MAP2K5: variants seen among roughly 807,000 people sequenced by gnomAD.
MAP2K5 encodes the protein mitogen-activated protein kinase kinase 5, also known as dual specificity mitogen-activated protein kinase kinase 5.
In MAP2K5, 49 loss-of-function variants were observed where a neutral mutation model predicts 83.1. The observed-to-expected ratio is 0.59, with a 90% CI of 0.47 to 0.75. The LOEUF (loss-of-function observed/expected upper bound fraction) is 0.75. Among genes scored for constraint, MAP2K5 ranks in the 30% least tolerant of loss-of-function variants. MAP2K5 has a pLI of 0.00. For synonymous variants in MAP2K5, 202 were observed against 191.8 expected (o/e 1.05, Z -0.44); for missense variants, 457 against 557.5 (o/e 0.82, Z 1.82).
chr15:67,700,559 A>G (rs950007536), intron 15 of MAP2K5, among the ~76,000 whole-genome samples: 3 of 152,166 alleles, frequency 2.0e-5, no homozygotes, highest in Non-Finnish European at 2.9e-5. Flanking sequence ...GGGAGAGGAC[A>G]GGGCAGGCCA....
At position 67,719,254 on chromosome 15, in the gene MAP2K5, T is replaced by C. The variant is rs567902296; in HGVS notation, c.1045-8662T>C. 2.6e-5 allele frequency among the ~76,000 whole-genome samples: 4 copies of C among 152,290 alleles called. No individual in the cohort carries two copies. The East Asian group carries it at 5.8e-4, about 22-fold the overall frequency. ...TAAGCAGTGATACGTAAGAGGGCCTTGTCGGTTAAGACCATCAGATCCTAA... is the reference window on the plus strand; with the variant it reads ...TAAGCAGTGATACGTAAGAGGGCCTCGTCGGTTAAGACCATCAGATCCTAA... On this transcript the variant is annotated intron_variant, in intron 16 of 21. Transcript: ENST00000178640. This position sits in a 1 kb window ranked among gnomAD's most constrained non-coding sequence, Gnocchi z 4.6.
chr15:67,664,689 T>C, intron 13 of MAP2K5, 44 bp downstream of exon 13: 2 of 1,326,988 alleles, frequency 1.5e-6, no homozygotes, highest in Non-Finnish European at 2.2e-6. Flanking sequence ...TGGGGTGGGG[T>C]TGGGTCTCTC....
intron 17 of MAP2K5, among the ~76,000 whole-genome samples, chr15:67,744,002 G>T (rs1163837720): frequency 6.6e-6 from 1 of 152,180 alleles, no homozygotes; most frequent in East Asian, 1.9e-4. Context: ...AGCCGTCAGG[G>T]TCAGGCCAGG....
chr15:67,661,463 C>T (rs370628330), intron 12 of MAP2K5, among the ~76,000 whole-genome samples: 1 of 152,058 alleles, frequency 6.6e-6, no homozygotes, highest in Non-Finnish European at 1.5e-5. Context: ...GTCAAGTCAT[C>T]GTTGTGAAAC....
At chr15:67,705,804 T>C (rs1161541427) in intron 16 of MAP2K5, among the ~76,000 whole-genome samples, 1 of 151,762 alleles carries the variant, frequency 6.6e-6, no homozygotes, top group Non-Finnish European at 1.5e-5. Context: ...AGCAGATACT[T>C]GAATGCTGTG....
rs1391753780 is a variant in MAP2K5, at chr15:67,552,648, G to A, written c.184+2566G>A. On this transcript the variant is annotated intron_variant, in intron 2 of 21. Transcript: ENST00000178640. This position sits in a 1 kb window ranked among gnomAD's most constrained non-coding sequence, Gnocchi z 4.2. Reference sequence around the variant, plus strand: ...AACGGGGTCTTGCTGTGTTGCTCAGGCTGGTCTTGAACTCCTGGCCTCAAG... The same window carrying A: ...AACGGGGTCTTGCTGTGTTGCTCAGACTGGTCTTGAACTCCTGGCCTCAAG... Among the ~76,000 whole-genome samples the A allele has an allele frequency of 5.9e-5, 9 of 152,050 alleles. No individual in the cohort carries two copies. Among genetic ancestry groups the A allele is most frequent in the Admixed American group, 5.2e-4 (8 of 15,268 alleles).
intron 17 of MAP2K5, among the ~76,000 whole-genome samples, chr15:67,735,151 T>C (rs2089310218): frequency 6.6e-6 from 1 of 152,232 alleles, no homozygotes; most frequent in African/African-American, 2.4e-5. Flanking sequence ...TCTCCATATC[T>C]ATTGTGTACT....
intron 19 of MAP2K5, among the ~76,000 whole-genome samples, chr15:67,762,029 A>G (rs2089958994): frequency 6.6e-6 from 1 of 152,208 alleles, no homozygotes; most frequent in South Asian, 2.1e-4. Context: ...TTGCTGAATA[A>G]TTACCTTTAG....
intron 11 of MAP2K5, among the ~76,000 whole-genome samples, chr15:67,654,218 T>C (rs1215977497): frequency 6.6e-6 from 1 of 152,182 alleles, no homozygotes; most frequent in African/African-American, 2.4e-5. Flanking sequence ...CGTTGTTAGG[T>C]CCATGCATGT....
chr15:67,770,468 G>T lies in MAP2K5; in HGVS notation c.1196+805G>T, dbSNP rs1340369134. ...ACAGAGAATTACCTAGGAGAGAGGAGGAATTCAGGAACATAGGAATCATTG... is the reference window on the plus strand; with the variant it reads ...ACAGAGAATTACCTAGGAGAGAGGATGAATTCAGGAACATAGGAATCATTG... On this transcript the variant is annotated intron_variant, in intron 20 of 21. Coordinates refer to ENST00000178640, the MANE Select transcript of MAP2K5 (RefSeq NM_145160.3). This position sits in a 1 kb window ranked among gnomAD's most constrained non-coding sequence, Gnocchi z 5.0. Among the ~76,000 whole-genome samples, 1 of 152,162 alleles carries T rather than the reference G, an allele frequency of 6.6e-6. No individual in the cohort carries two copies. Among genetic ancestry groups the T allele is most frequent in the Non-Finnish European group, 1.5e-5 (1 of 68,036 alleles).
intron 21 of MAP2K5, among the ~76,000 whole-genome samples, chr15:67,776,873 T>C (rs541388615): frequency 1.3e-5 from 2 of 152,184 alleles, no homozygotes; most frequent in Non-Finnish European, 2.9e-5. Context: ...CCCCATCCCC[T>C]CTCCACTTCA....
chr15:67,733,210 T>C (rs2089262501), intron 17 of MAP2K5, among the ~76,000 whole-genome samples: 1 of 152,226 alleles, frequency 6.6e-6, no homozygotes, highest in Non-Finnish European at 1.5e-5. Context: ...ACATCAGACT[T>C]GATCTGATGT....
At chr15:67,646,502 G>A in intron 11 of MAP2K5, 33 bp downstream of exon 11, 1 of 1,287,166 alleles carries the variant, frequency 7.8e-7, no homozygotes, top group Non-Finnish European at 1.1e-6. Context: ...CTTTTAAAAT[G>A]ATTTTTAGAG....
In MAP2K5 at chr15:67,794,261, CAG is replaced by C. The variant is rs2090567141; in HGVS notation, c.1243-12383_1243-12382del. Among the ~76,000 whole-genome samples the C allele has an allele frequency of 1.3e-5, 2 of 152,148 alleles. No homozygotes were observed. Among genetic ancestry groups the C allele is most frequent in the Non-Finnish European group, 2.9e-5 (2 of 68,030 alleles). ...CTTGGAAACCACAGTAAATCAATAA[CAG>C]AATAGTTAAATACCACAGGTTCTTT... On this transcript the variant is annotated intron_variant, in intron 21 of 21. Transcript: ENST00000178640. The surrounding 1 kb of genome is among the most constrained non-coding windows in gnomAD (Gnocchi z 4.6).
chr15:67,588,726 T>C (rs2085335683), intron 6 of MAP2K5, among the ~76,000 whole-genome samples: 2 of 152,260 alleles, frequency 1.3e-5, no homozygotes, highest in African/African-American at 4.8e-5. Context: ...AGTCCCCTCA[T>C]CCTTTTCTCT....
Position 67,636,590 on chromosome 15 carries a change from T to C in MAP2K5, c.585+5663T>C, listed in dbSNP as rs1257383566. On this transcript the variant is annotated intron_variant, in intron 9 of 21. Transcript: ENST00000178640. This position sits in a 1 kb window ranked among gnomAD's most constrained non-coding sequence, Gnocchi z 4.7. ...TTTTTTTAAGTGAAAAGCAAGTTTA[T>C]TAAGAAAGTAAAGGAATAAGAGAAT... Among the ~76,000 whole-genome samples, 1 of 152,112 alleles carries C rather than the reference T, an allele frequency of 6.6e-6. No individual in the cohort carries two copies. The highest frequency in any genetic ancestry group is 2.4e-5 in the African/African-American group (1 of 41,416).
At chr15:67,703,977 G>A (rs1485413697) in intron 16 of MAP2K5, among the ~76,000 whole-genome samples, 1 of 152,160 alleles carries the variant, frequency 6.6e-6, no homozygotes, top group East Asian at 1.9e-4. Context: ...GAGAGGGAAG[G>A]GGGAAGAGGA....
intron 15 of MAP2K5, among the ~76,000 whole-genome samples, chr15:67,700,628 G>A (rs1206945386): frequency 2.0e-5 from 3 of 152,086 alleles, no homozygotes; most frequent in Admixed American, 2.0e-4. Context: ...ATCAAATCCT[G>A]GCTCCATAAA....
In MAP2K5 at chr15:67,794,532, C is replaced by T. The variant is rs2090571490; in HGVS notation, c.1243-12114C>T. On this transcript the variant is annotated intron_variant, in intron 21 of 21. Coordinates refer to ENST00000178640, the MANE Select transcript of MAP2K5 (RefSeq NM_145160.3). This position sits in a 1 kb window ranked among gnomAD's most constrained non-coding sequence, Gnocchi z 4.6. ...ACTAGACTAGGTCTGATGACTTTGACCTTTGTTACGCTCTTCTTCCAAATT... is the reference window on the plus strand; with the variant it reads ...ACTAGACTAGGTCTGATGACTTTGATCTTTGTTACGCTCTTCTTCCAAATT... Among the ~76,000 whole-genome samples, 2 of 151,766 alleles carry T rather than the reference C, an allele frequency of 1.3e-5. No individual in the cohort carries two copies. Among genetic ancestry groups the T allele is most frequent in the Non-Finnish European group, 2.9e-5 (2 of 67,988 alleles).
Sources: gnomAD v4.1 joint callset for allele counts (sites outside exome capture counted in the v4.1 genomes callset) on GRCh38, gnomAD v4.1.1 for gene constraint, Gnocchi (gnomAD v3.1) non-coding constraint, MANE v1.5 for transcripts, NCBI Gene and HGNC (gene_info 2026-07-23, HGNC 2026-07-21) for gene names.